Variants in CCNYL1 observed in about 807,000 individuals in gnomAD.
CCNYL1 encodes cyclin-Y-like protein 1.
In CCNYL1, 16 loss-of-function variants were observed where a neutral mutation model predicts 44.2. The observed-to-expected ratio is 0.36, with a 90% CI of 0.25 to 0.55. The LOEUF (loss-of-function observed/expected upper bound fraction) is 0.55, where lower values mean the gene tolerates loss of function less well. CCNYL1 is among the 20% of genes least tolerant of loss of function. CCNYL1 has a pLI of 0.85. For missense variants in CCNYL1, 348 were observed against 451.8 expected, an observed-to-expected ratio of 0.77 and a Z score of 2.08; for synonymous variants, 159 against 163.2, an observed-to-expected ratio of 0.97 and a Z score of 0.20.
At chr2:207,718,183 T>C (rs1185249205) in intron 1 of CCNYL1, among the ~76,000 whole-genome samples, 1 of 152,044 alleles carries the variant, frequency 6.6e-6, no homozygotes, top group Non-Finnish European at 1.5e-5. Flanking sequence ...GGATTACAGG[T>C]GTGAGCCACC....
chr2:207,712,966 C>A (rs1368194959), intron 1 of CCNYL1, among the ~76,000 whole-genome samples: 4 of 152,202 alleles, frequency 2.6e-5, no homozygotes, highest in Non-Finnish European at 1.5e-5. Flanking sequence ...CAGGCGTGCG[C>A]CACCACGCCC....
chr2:207,712,951 G>A (rs1163113471), intron 1 of CCNYL1, among the ~76,000 whole-genome samples: 1 of 152,216 alleles, frequency 6.6e-6, no homozygotes, highest in East Asian at 1.9e-4. Flanking sequence ...GAGTAGCTGG[G>A]ATTACAGGCG....
intron 8 of CCNYL1, among the ~76,000 whole-genome samples, chr2:207,747,913 T>G (rs1192648935): frequency 3.3e-5 from 5 of 152,168 alleles, no homozygotes; most frequent in African/African-American, 1.2e-4. Context: ...TCTTTTTCAT[T>G]CATTCATTCA....
At chr2:207,725,126 A>ATTTT (rs34595478) in intron 2 of CCNYL1, among the ~76,000 whole-genome samples, 5 of 135,398 alleles carry the variant, frequency 3.7e-5, no homozygotes, top group Non-Finnish European at 4.6e-5. Flanking sequence ...AGTAACATGG[A>ATTTT]TTTTTTTTTT....
chr2:207,753,377 G>T (rs1450752691), intron 9 of CCNYL1, among the ~76,000 whole-genome samples: 1 of 152,122 alleles, frequency 6.6e-6, no homozygotes, highest in Non-Finnish European at 1.5e-5. Context: ...TGTTCTCTGG[G>T]AATCTAACCA....
At position 207,751,056 on chromosome 2, in the gene CCNYL1, A is replaced by G. The variant is rs780456718; in HGVS notation, c.906A>G (p.Ala302=). The stretch of plus-strand genomic sequence containing the variant: ...ACTACTTTGACCTTCGCTCCTTAGC[A>G]GATGACAACAACCTGAATTTTCTAT... ...AKYYFDLRSL[A]DDNNLNFLFA... The change falls in exon 9 of 10, where the codon GCA becomes GCG. Residue 302 remains alanine, a synonymous_variant. Transcript: ENST00000295414. 6.2e-7 allele frequency: 1 copy of G among 1,614,192 alleles called. No individual in the cohort carries two copies. The highest frequency in any genetic ancestry group is 8.5e-7 in the Non-Finnish European group (1 of 1,179,994).
At chr2:207,744,898 G>A (rs1559172212) in intron 7 of CCNYL1, among the ~76,000 whole-genome samples, 1 of 152,190 alleles carries the variant, frequency 6.6e-6, no homozygotes. Context: ...GGACATAGCA[G>A]GAATTGTGCA....
intron 8 of CCNYL1, among the ~76,000 whole-genome samples, chr2:207,747,867 CT>C (rs2091865237): frequency 6.6e-6 from 1 of 152,178 alleles, no homozygotes; most frequent in South Asian, 2.1e-4. Flanking sequence ...CTCTTTATGG[CT>C]TTTAAAAAGT....
chr2:207,730,364 A>G (rs2091717706), intron 3 of CCNYL1, among the ~76,000 whole-genome samples: 1 of 152,208 alleles, frequency 6.6e-6, no homozygotes, highest in Admixed American at 6.5e-5. Context: ...AAGACAAACT[A>G]ACTTGATCCT....
chr2:207,733,897 T>C (rs1420909681), intron 3 of CCNYL1, 50 bp from the exon 4 acceptor site: 2 of 1,199,022 alleles, frequency 1.7e-6, no homozygotes, highest in Non-Finnish European at 2.5e-6. Flanking sequence ...ACCACACTTT[T>C]ATAGGTTTAA....
Position 207,726,880 on chromosome 2 carries a change from A to C in CCNYL1, c.330+4A>C. ...GAAGAGCAACCATTTGAACCATGTA[A>C]GTAAACAGTTGGAAAGCTAAGAAAT... On this transcript the variant is annotated splice_donor_region_variant and intron_variant, in intron 3 of 9. Transcript: ENST00000295414. 1 of 1,548,322 alleles carries C rather than the reference A, an allele frequency of 6.5e-7. No individual in the cohort carries two copies. Among genetic ancestry groups the C allele is most frequent in the Non-Finnish European group, 8.7e-7 (1 of 1,155,126 alleles).
At chr2:207,732,199 A>C (rs571650540) in intron 3 of CCNYL1, among the ~76,000 whole-genome samples, 3 of 152,326 alleles carry the variant, frequency 2.0e-5, no homozygotes, top group African/African-American at 7.2e-5. Context: ...AAGTATATAC[A>C]TTAGCACACA....
At chr2:207,753,286 C>G (rs1450403391) in intron 9 of CCNYL1, among the ~76,000 whole-genome samples, 1 of 152,158 alleles carries the variant, frequency 6.6e-6, no homozygotes, top group Non-Finnish European at 1.5e-5. Flanking sequence ...ATAACAGATG[C>G]TATTGCTGTT....
intron 7 of CCNYL1, among the ~76,000 whole-genome samples, chr2:207,746,031 G>A (rs571794668): frequency 6.6e-6 from 1 of 152,302 alleles, no homozygotes; most frequent in Admixed American, 6.5e-5. Flanking sequence ...TCTTTACTCA[G>A]CTGTTCACTT....
intron 3 of CCNYL1, among the ~76,000 whole-genome samples, chr2:207,733,443 A>G (rs929832140): frequency 1.3e-5 from 2 of 152,194 alleles, no homozygotes; most frequent in African/African-American, 4.8e-5. Context: ...CTGGCAGACG[A>G]AGCCTCTGAC....
At chr2:207,724,983 T>C (rs2105823289) in intron 2 of CCNYL1, 109 bp downstream of exon 2, 1 of 829,972 alleles carries the variant, frequency 1.2e-6, no homozygotes, top group Non-Finnish European at 1.8e-6. Context: ...AGTTTAAAAT[T>C]TTCTTTTCAT....
chr2:207,727,667 A>G (rs1010869955), intron 3 of CCNYL1, among the ~76,000 whole-genome samples: 1 of 151,902 alleles, frequency 6.6e-6, no homozygotes, highest in African/African-American at 2.4e-5. Flanking sequence ...CATCTGTTCC[A>G]TTTTTCTCTT....
intron 4 of CCNYL1, among the ~76,000 whole-genome samples, chr2:207,735,637 G>A (rs917570567): frequency 2.0e-5 from 3 of 152,128 alleles, no homozygotes; most frequent in Admixed American, 1.3e-4. Flanking sequence ...AGGCCAAGGC[G>A]GGTAGATTGC....
At chr2:207,725,361 G>A (rs988141946) in intron 2 of CCNYL1, among the ~76,000 whole-genome samples, 14 of 152,094 alleles carry the variant, frequency 9.2e-5, no homozygotes, top group African/African-American at 3.1e-4. Context: ...TCCTGACCTC[G>A]TGATCTGCCC....
Sources: allele counts gnomAD v4.1 joint callset (sites outside exome capture counted in the v4.1 genomes callset), GRCh38; gene constraint gnomAD v4.1.1; transcripts MANE v1.5; gene names NCBI Gene and HGNC (gene_info 2026-07-23, HGNC 2026-07-21).